Variants in PXDN observed in about 807,000 individuals in gnomAD.
The protein encoded by PXDN is peroxidasin homolog.
A neutral mutation model predicts 140.3 loss-of-function variants in PXDN; 77 were observed. That is an observed-to-expected ratio of 0.55 (90% CI 0.46 to 0.66). PXDN has a LOEUF of 0.66. PXDN is among the 30% of genes least tolerant of loss of function. The probability of loss-of-function intolerance (pLI) is 0.00; values close to 1 mark genes in which losing one functional copy is unlikely to be tolerated. For missense variants in PXDN, 1,838 were observed against 2,039.5 expected (o/e 0.90, Z 1.90); for synonymous variants, 911 against 857.4 (o/e 1.06, Z -1.09).
intron 1 of PXDN, among the ~76,000 whole-genome samples, chr2:1,712,635 C>T (rs1379227516): frequency 2.0e-5 from 3 of 152,212 alleles, no homozygotes; most frequent in South Asian, 2.1e-4. Flanking sequence ...TCACACATGG[C>T]GGCCTTGTGG....
At chr2:1,713,307 C>T (rs1684825188) in intron 1 of PXDN, among the ~76,000 whole-genome samples, 1 of 152,200 alleles carries the variant, frequency 6.6e-6, no homozygotes, top group African/African-American at 2.4e-5. Context: ...GAAGGCTGAG[C>T]CTCTCCCTGC....
At chr2:1,652,078 T>A (rs1683027119) in intron 16 of PXDN, among the ~76,000 whole-genome samples, 1 of 152,198 alleles carries the variant, frequency 6.6e-6, no homozygotes, top group East Asian at 1.9e-4. Flanking sequence ...TTCCTTTCTG[T>A]CTTTCCCTGA....
In PXDN at chr2:1,644,711, A is replaced by G. The variant is rs1299572649; in HGVS notation, c.3650T>C (p.Leu1217Pro). 7.5e-6 allele frequency: 12 copies of G among 1,598,820 alleles called. No individual in the cohort carries two copies. Among genetic ancestry groups the G allele is most frequent in the Non-Finnish European group, 1.0e-5 (12 of 1,170,254 alleles). Residue 1217 changes from leucine to proline, a missense_variant, in exon 18 of 23, where the codon CTC becomes CCC. Leu to Pro is a moderately conservative substitution (Grantham distance 98). Coordinates refer to ENST00000252804, the MANE Select transcript of PXDN (RefSeq NM_012293.3). Reference sequence around the variant, plus strand: ...GCCAGGCACCAGGTCCTCCACCACGAGCGCCGGAAACAGGTCGATGTTGAG... The same window carrying G: ...GCCAGGCACCAGGTCCTCCACCACGGGCGCCGGAAACAGGTCGATGTTGAG... ...STLNIDLFPA[L>P]VVEDLVPGSR...
rs1684856302 is a variant in PXDN at position 1,714,671 on chromosome 2, C to T, written c.201-21537G>A. Among the ~76,000 whole-genome samples, 1 of 152,230 alleles carries T rather than the reference C, an allele frequency of 6.6e-6. No individual in the cohort carries two copies. Among genetic ancestry groups the T allele is most frequent in the African/African-American group, 2.4e-5 (1 of 41,472 alleles). On this transcript the variant is annotated intron_variant, in intron 1 of 22. Coordinates refer to ENST00000252804, the MANE Select transcript of PXDN (RefSeq NM_012293.3). The surrounding 1 kb of genome is among the most constrained non-coding windows in gnomAD (Gnocchi z 4.3). Reference sequence around the variant, plus strand: ...AGGCGACCCGGTGGCTGTGGCCAAGCTCCGATAAGCTTTTATTTATGGTGC... The same window carrying T: ...AGGCGACCCGGTGGCTGTGGCCAAGTTCCGATAAGCTTTTATTTATGGTGC...
At chr2:1,656,011 A>G (rs1283012909) in intron 14 of PXDN, among the ~76,000 whole-genome samples, 2 of 151,852 alleles carry the variant, frequency 1.3e-5, no homozygotes, top group Non-Finnish European at 2.9e-5. Flanking sequence ...ACACGACACT[A>G]TACACACAGA....
At chr2:1,635,951 C>T in intron 21 of PXDN, 1 of 329,502 alleles carries the variant, frequency 3.0e-6, no homozygotes, top group Non-Finnish European at 5.8e-6. Context: ...GTGACCTTTC[C>T]AACCGCTGTG....
chr2:1,687,665 T>G lies in PXDN; in HGVS notation c.383A>C (p.Gln128Pro), dbSNP rs1684092854. Residue 128 changes from glutamine (Q) to proline (P), a missense_variant, in exon 4 of 23, where the codon CAA (glutamine) becomes CCA (proline). By Grantham distance (76) the Gln-to-Pro change is moderately conservative. Coordinates refer to ENST00000252804, the MANE Select transcript of PXDN (RefSeq NM_012293.3). The surrounding 1 kb of genome is among the most constrained non-coding windows in gnomAD (Gnocchi z 4.0). Reference sequence around the variant, plus strand: ...TAGAGAGGCAAGTCCCTTAAATGCTTGCCTGTCAATTGACTGGATCTCATT... The same window carrying G: ...TAGAGAGGCAAGTCCCTTAAATGCTGGCCTGTCAATTGACTGGATCTCATT... Reference protein sequence around the residue: ...YKNEIQSIDRQAFKGLASLEQ... With the variant: ...YKNEIQSIDRPAFKGLASLEQ... 2.0e-6 allele frequency: 3 copies of G among 1,533,588 alleles called. No homozygotes were observed. The highest frequency in any genetic ancestry group is 2.7e-6 in the Non-Finnish European group (3 of 1,110,388). The allele number at this position is 1,533,588 out of a possible 1,614,324, so 95.0% of individuals were successfully genotyped here.
intron 1 of PXDN, among the ~76,000 whole-genome samples, chr2:1,708,647 CAGTG>C (rs533550435): frequency 6.6e-5 from 10 of 152,164 alleles, no homozygotes; most frequent in Non-Finnish European, 1.2e-4. Context: ...AAGGAAGAAA[CAGTG>C]AGAGCTCCCT....
chr2:1,708,635 G>T (rs958247430), intron 1 of PXDN, among the ~76,000 whole-genome samples: 1 of 152,134 alleles, frequency 6.6e-6, no homozygotes, highest in Middle Eastern at 3.2e-3. Flanking sequence ...GACTCGCCCC[G>T]CAAGGAAGAA....
At chr2:1,716,458 A>C (rs964015542) in intron 1 of PXDN, among the ~76,000 whole-genome samples, 1 of 149,784 alleles carries the variant, frequency 6.7e-6, no homozygotes, top group Non-Finnish European at 1.5e-5. Context: ...AAAAAAAAAA[A>C]AAAAAAAAAA....
chr2:1,655,482 C>T (rs907879918), intron 14 of PXDN, among the ~76,000 whole-genome samples: 1 of 151,464 alleles, frequency 6.6e-6, no homozygotes, highest in South Asian at 2.1e-4. Flanking sequence ...ACAAACACAC[C>T]AGAGGTATGC....
intron 1 of PXDN, among the ~76,000 whole-genome samples, chr2:1,733,640 G>A (rs1183039516): frequency 6.6e-6 from 1 of 151,500 alleles, no homozygotes; most frequent in Non-Finnish European, 1.5e-5. Flanking sequence ...TACTGAGGAG[G>A]CTGAGGCAGG....
intron 1 of PXDN, 71 bp from the exon 2 acceptor site, chr2:1,693,205 TTA>T: frequency 7.9e-7 from 1 of 1,273,084 alleles, no homozygotes; most frequent in Middle Eastern, 1.9e-4. Flanking sequence ...TTTGCTGCTC[TTA>T]GTTTCAAAAT....
chr2:1,719,498 C>CG (rs1660094642), intron 1 of PXDN, among the ~76,000 whole-genome samples: 1 of 152,230 alleles, frequency 6.6e-6, no homozygotes, highest in Non-Finnish European at 1.5e-5. Flanking sequence ...CGGTCCCCGC[C>CG]GACCTGCCTG....
At chr2:1,711,947 G>A (rs191258352) in intron 1 of PXDN, among the ~76,000 whole-genome samples, 125 of 152,262 alleles carry the variant, frequency 8.2e-4, no homozygotes, top group African/African-American at 2.7e-3. Context: ...CTCAACCAGC[G>A]GCTCCCATCT....
chr2:1,659,730 A>C (rs1457437964), intron 14 of PXDN, among the ~76,000 whole-genome samples: 1 of 152,228 alleles, frequency 6.6e-6, no homozygotes, highest in East Asian at 1.9e-4. Context: ...TTTTACACTT[A>C]ATTTTACATC....
At chr2:1,729,152 T>A (rs901503589) in intron 1 of PXDN, among the ~76,000 whole-genome samples, 5 of 152,098 alleles carry the variant, frequency 3.3e-5, no homozygotes, top group Non-Finnish European at 5.9e-5. Flanking sequence ...AGCTGGCAAA[T>A]AAACATACAT....
chr2:1,687,726 G>A lies in PXDN; in HGVS notation c.345-23C>T. ...TAGCTGAAACAAGAAACATTGGGGAGCATTAGCACACAGACAGGAGGTCAA... is the reference window on the plus strand; with the variant it reads ...TAGCTGAAACAAGAAACATTGGGGAACATTAGCACACAGACAGGAGGTCAA... On this transcript the variant is annotated intron_variant, in intron 3 of 22. Transcript: ENST00000252804. This position sits in a 1 kb window ranked among gnomAD's most constrained non-coding sequence, Gnocchi z 4.0. 1.4e-6 allele frequency: 2 copies of A among 1,476,788 alleles called. No individual in the cohort carries two copies. Among genetic ancestry groups the A allele is most frequent in the Non-Finnish European group, 1.9e-6 (2 of 1,064,870 alleles). 91.5% of individuals were successfully genotyped at this position (1,476,788 alleles called of 1,614,324 possible).
rs1684844479 is a variant in PXDN at position 1,714,104 on chromosome 2, T to C, written c.201-20970A>G. On this transcript the variant is annotated intron_variant, in intron 1 of 22. Transcript: ENST00000252804. This position sits in a 1 kb window ranked among gnomAD's most constrained non-coding sequence, Gnocchi z 4.3. Reference sequence around the variant, plus strand: ...GGATAAACAGCTTCAAGAAAGCGCATCCGTCACCTTTGGTGACTTCCCCGC... The same window carrying C: ...GGATAAACAGCTTCAAGAAAGCGCACCCGTCACCTTTGGTGACTTCCCCGC... Among the ~76,000 whole-genome samples the C allele has an allele frequency of 6.6e-6, 1 of 152,188 alleles. No individual in the cohort carries two copies. The highest frequency in any genetic ancestry group is 1.5e-5 in the Non-Finnish European group (1 of 68,024).
Sources: gnomAD v4.1 joint callset for allele counts (sites outside exome capture counted in the v4.1 genomes callset) on GRCh38, gnomAD v4.1.1 for gene constraint, Gnocchi (gnomAD v3.1) non-coding constraint, MANE v1.5 for transcripts, NCBI Gene and HGNC (gene_info 2026-07-23, HGNC 2026-07-21) for gene names.